PACSIN1: variants seen among roughly 807,000 people sequenced by gnomAD.
The protein encoded by PACSIN1 is protein kinase C and casein kinase substrate in neurons protein 1.
Under a neutral mutation model 59.5 loss-of-function variants are expected in PACSIN1, and 15 were observed. That is an observed-to-expected ratio of 0.25 (90% CI 0.17 to 0.39). The LOEUF is 0.39. Among genes scored for constraint, PACSIN1 ranks in the 10% least tolerant of loss-of-function variants. The probability of loss-of-function intolerance (pLI) is 1.00; values close to 1 mark genes in which losing one functional copy is unlikely to be tolerated. For synonymous variants in PACSIN1, 210 were observed against 220.6 expected, an observed-to-expected ratio of 0.95 and a Z score of 0.42; for missense variants, 420 against 580.2, an observed-to-expected ratio of 0.72 and a Z score of 2.84.
At position 34,532,857 on chromosome 6, in the gene PACSIN1, G is replaced by T; in HGVS notation, c.*327G>T. On this transcript the variant is annotated 3_prime_UTR_variant, in exon 10 of 10. Coordinates refer to ENST00000244458, the MANE Select transcript of PACSIN1 (RefSeq NM_020804.5). This position sits in a 1 kb window ranked among gnomAD's most constrained non-coding sequence, Gnocchi z 5.2. ...GGATGTCTCCTGACCCTTCCACCCC[G>T]CCTCACTCCCTCCGTCCCACTCCAC... 4.4e-6 allele frequency: 1 copy of T among 225,114 alleles called. No individual in the cohort carries two copies. 13.9% of individuals were successfully genotyped at this position (225,114 alleles called of 1,614,324 possible).
chr6:34,470,613 C>T (rs568380957), intron 1 of PACSIN1, among the ~76,000 whole-genome samples: 65 of 22,512 alleles, frequency 2.9e-3, no homozygotes, highest in African/African-American at 1.0e-2. Context: ...CTCCCGGGCC[C>T]AAGGGATCCT....
At position 34,518,701 on chromosome 6, in the gene PACSIN1, GGTAT is replaced by G. The variant is rs765259164; in HGVS notation, c.-63-7538_-63-7535del. ...CAGTCCAGGAGGGCAGGGGAGCTGG[GGTAT>G]GTAAACGCCACCTTCCAGTGGCTCT... is the stretch of plus-strand genomic sequence containing the variant. On this transcript the variant is annotated intron_variant, in intron 1 of 9. Coordinates refer to ENST00000244458, the MANE Select transcript of PACSIN1 (RefSeq NM_020804.5). This position sits in a 1 kb window ranked among gnomAD's most constrained non-coding sequence, Gnocchi z 4.4. 1.2e-4 allele frequency among the ~76,000 whole-genome samples: 18 copies of G among 152,228 alleles called. No individual in the cohort carries two copies. The highest frequency in any genetic ancestry group is 2.6e-4 in the Non-Finnish European group (18 of 68,044).
At chr6:34,519,126 C>T (rs2127268454) in intron 1 of PACSIN1, among the ~76,000 whole-genome samples, 1 of 152,192 alleles carries the variant, frequency 6.6e-6, no homozygotes, top group East Asian at 1.9e-4. Context: ...AGGGGCCAGC[C>T]ACAGAGGCTG....
At chr6:34,484,564 A>G (rs954207056) in intron 1 of PACSIN1, among the ~76,000 whole-genome samples, 49 of 152,214 alleles carry the variant, frequency 3.2e-4, no homozygotes, top group Admixed American at 1.4e-3. Context: ...CCTATAGAAT[A>G]TACACCACCA....
Position 34,531,829 on chromosome 6 carries a change from C to A in PACSIN1, c.1225+42C>A, listed in dbSNP as rs1006923807. ...GGGCAGTGCCTGAGAGAGGCTTGGG[C>A]CTGGATTGGGTGTGTGGTGGTGCAG... On this transcript the variant is annotated intron_variant, in intron 9 of 9. Coordinates refer to ENST00000244458, the MANE Select transcript of PACSIN1 (RefSeq NM_020804.5). This position sits in a 1 kb window ranked among gnomAD's most constrained non-coding sequence, Gnocchi z 4.4. 3.3e-6 allele frequency: 5 copies of A among 1,514,570 alleles called. No individual in the cohort carries two copies. The highest frequency in any genetic ancestry group is 3.5e-6 in the Non-Finnish European group (4 of 1,128,180). 93.8% of individuals were successfully genotyped at this position (1,514,570 alleles called of 1,614,324 possible). A position where few individuals can be genotyped will look rare whatever the true frequency, so the allele number is the denominator to read the frequency against.
Position 34,514,207 on chromosome 6 carries a change from A to C in PACSIN1, c.-63-12036A>C, listed in dbSNP as rs780899196. On this transcript the variant is annotated intron_variant, in intron 1 of 9. Coordinates refer to ENST00000244458, the MANE Select transcript of PACSIN1 (RefSeq NM_020804.5). The surrounding 1 kb of genome is among the most constrained non-coding windows in gnomAD (Gnocchi z 4.4). ...GACACACGAGTGCTTAGGGCCACCC[A>C]TGTGTGCGCTTGAGTGGTGTGTGGC... Among the ~76,000 whole-genome samples, 2 of 151,548 alleles carry C rather than the reference A, an allele frequency of 1.3e-5. No homozygotes were observed. The highest frequency in any genetic ancestry group is 1.3e-4 in the Admixed American group (2 of 15,166).
intron 1 of PACSIN1, among the ~76,000 whole-genome samples, chr6:34,510,290 A>G (rs1767179839): frequency 6.6e-6 from 1 of 152,256 alleles, no homozygotes; most frequent in Admixed American, 6.5e-5. Context: ...TTCTGAAAAC[A>G]TAGTTTGGAT....
chr6:34,478,506 G>A (rs1356814150), intron 1 of PACSIN1, among the ~76,000 whole-genome samples: 1 of 151,516 alleles, frequency 6.6e-6, no homozygotes, highest in Non-Finnish European at 1.5e-5. Context: ...CTGAGTAGCT[G>A]GGATTGCAGG....
chr6:34,469,917 T>G (rs1766548294), intron 1 of PACSIN1, among the ~76,000 whole-genome samples: 1 of 152,066 alleles, frequency 6.6e-6, no homozygotes, highest in Non-Finnish European at 1.5e-5. Flanking sequence ...AAAAGGAGCG[T>G]GTCTGTGGGG....
At chr6:34,509,982 C>T (rs186901879) in intron 1 of PACSIN1, among the ~76,000 whole-genome samples, 72 of 152,354 alleles carry the variant, frequency 4.7e-4, no homozygotes, top group Non-Finnish European at 8.1e-4. Flanking sequence ...TTTTTCATTG[C>T]TGTGTAGTAT....
At position 34,526,432 on chromosome 6, in the gene PACSIN1, C is replaced by T. The variant is rs542822807; in HGVS notation, c.63+64C>T. 1.4e-4 allele frequency: 195 copies of T among 1,354,084 alleles called. 1 individual carries two copies. The Middle Eastern group carries it at 2.0e-3, about 14-fold the overall frequency. The allele number at this position is 1,354,084 out of a possible 1,614,324, so 83.9% of individuals were successfully genotyped here. On this transcript the variant is annotated intron_variant, in intron 2 of 9. Coordinates refer to ENST00000244458, the MANE Select transcript of PACSIN1 (RefSeq NM_020804.5). ...GCCTGGCTGTTTGGAGGCCAGGCTC[C>T]CTTATCACTCACCCCATGACCTCAG...
At position 34,528,619 on chromosome 6, in the gene PACSIN1, G is replaced by C. The variant is rs956762972; in HGVS notation, c.221-23G>C. 8 of 1,586,820 alleles carry C rather than the reference G, an allele frequency of 5.0e-6. No homozygotes were observed. The African/African-American group carries it at 1.1e-4, about 21-fold the overall frequency. ...TCTGGGCAGGGGCAATGAGGTTCTT[G>C]TGACCTATTGCCATTCCCTCAGGCC... On this transcript the variant is annotated intron_variant, in intron 3 of 9. Transcript: ENST00000244458.
In PACSIN1 at chr6:34,493,355, A is replaced by G. The variant is rs1454827668; in HGVS notation, c.-64+27085A>G. ...GTAGGTTGTTTGGGGGCTACTATGAATATGGTTGCTGCAAGCATTCATGTG... is the reference window on the plus strand; with the variant it reads ...GTAGGTTGTTTGGGGGCTACTATGAGTATGGTTGCTGCAAGCATTCATGTG... On this transcript the variant is annotated intron_variant, in intron 1 of 9. Coordinates refer to ENST00000244458, the MANE Select transcript of PACSIN1 (RefSeq NM_020804.5). 2.0e-5 allele frequency among the ~76,000 whole-genome samples: 3 copies of G among 152,194 alleles called. No homozygotes were observed. The East Asian group carries it at 5.8e-4, about 29-fold the overall frequency.
At chr6:34,520,228 C>T (rs1767364523) in intron 1 of PACSIN1, among the ~76,000 whole-genome samples, 1 of 152,180 alleles carries the variant, frequency 6.6e-6, no homozygotes, top group Non-Finnish European at 1.5e-5. Context: ...AGAGATGGGT[C>T]AGTCCCTGTG....
chr6:34,532,625 T>C lies in PACSIN1; in HGVS notation c.*95T>C. On this transcript the variant is annotated 3_prime_UTR_variant, in exon 10 of 10. Coordinates refer to ENST00000244458, the MANE Select transcript of PACSIN1 (RefSeq NM_020804.5). This position sits in a 1 kb window ranked among gnomAD's most constrained non-coding sequence, Gnocchi z 5.2. ...TCCCCTCGCCATAGAGTTCCAGACA[T>C]ATTTTCCGATCAAGCTTTTATTTTT... The C allele has an allele frequency of 2.9e-6, 2 of 685,770 alleles. No homozygotes were observed. Among genetic ancestry groups the C allele is most frequent in the Non-Finnish European group, 5.0e-6 (2 of 399,788 alleles). 42.5% of individuals were successfully genotyped at this position (685,770 alleles called of 1,614,324 possible).
chr6:34,470,712 A>C (rs1362557684), intron 1 of PACSIN1, among the ~76,000 whole-genome samples: 1 of 152,038 alleles, frequency 6.6e-6, no homozygotes, highest in Non-Finnish European at 1.5e-5. Flanking sequence ...TGTGTTGCCC[A>C]GGCTAAAAAT....
chr6:34,508,402 G>C (rs1767148867), intron 1 of PACSIN1, among the ~76,000 whole-genome samples: 1 of 152,032 alleles, frequency 6.6e-6, no homozygotes, highest in Admixed American at 6.6e-5. Flanking sequence ...ACCGTGCCCA[G>C]CAGTAGTTAT....
intron 1 of PACSIN1, among the ~76,000 whole-genome samples, chr6:34,486,258 C>T (rs1766792291): frequency 1.3e-5 from 2 of 151,980 alleles, no homozygotes; most frequent in Non-Finnish European, 2.9e-5. Context: ...AGGTGCCTCC[C>T]TTTTTCTCAG....
intron 3 of PACSIN1, 45 bp from the exon 4 acceptor site, chr6:34,528,597 G>A (rs1380371924): frequency 7.0e-7 from 1 of 1,434,988 alleles, no homozygotes; most frequent in Admixed American, 1.7e-5. Context: ...GGGGGCCTCT[G>A]GGCAGGGGCA....
Sources: allele counts gnomAD v4.1 joint callset (sites outside exome capture counted in the v4.1 genomes callset), GRCh38; gene constraint gnomAD v4.1.1; non-coding constraint Gnocchi (gnomAD v3.1); transcripts MANE v1.5; gene names NCBI Gene and HGNC (gene_info 2026-07-23, HGNC 2026-07-21).